The following GARS1 variants were observed in gnomAD, a reference collection of about 807,000 sequenced individuals.
The protein encoded by GARS1 is glycyl-tRNA synthetase 1.
Under a neutral mutation model 86.4 loss-of-function variants are expected in GARS1, and 46 were observed. The observed-to-expected ratio is 0.53, with a 90% CI of 0.42 to 0.68. The LOEUF (loss-of-function observed/expected upper bound fraction) is 0.68. Among genes scored for constraint, GARS1 ranks in the 30% least tolerant of loss-of-function variants. The pLI, the probability that GARS1 is intolerant of heterozygous loss-of-function variation, is 0.00. For missense variants in GARS1, 797 were observed against 915.6 expected, an observed-to-expected ratio of 0.87 and a Z score of 1.67; for synonymous variants, 342 against 329.8, an observed-to-expected ratio of 1.04 and a Z score of -0.40.
In GARS1 at chr7:30,616,014, G is replaced by A. The variant is rs1159916252; in HGVS notation, c.1150G>A (p.Gly384Arg). The change falls in exon 9 of 17, where the codon GGA (glycine) becomes AGA (arginine). Residue 384 changes from glycine to arginine, a missense_variant. Transcript: ENST00000389266. ...GTATTCAGCAAAAGCCCAGGTCAGC[G>A]GACAGTCCGCTCGGAAAATGCGCCT... Reference protein sequence around the residue: ...YLYSAKAQVSGQSARKMRLGD... With the variant: ...YLYSAKAQVSRQSARKMRLGD... 3.7e-6 allele frequency: 6 copies of A among 1,614,056 alleles called. No individual in the cohort carries two copies. The highest frequency in any genetic ancestry group is 1.1e-5 in the South Asian group (1 of 91,074).
Position 30,598,800 on chromosome 7 carries a change from A to G in GARS1, c.227A>G (p.Asp76Gly), listed in dbSNP as rs780858299. The change falls in exon 2 of 17, where the codon GAT becomes GGT. Residue 76 changes from aspartate (D) to glycine (G), a missense_variant. Asp to Gly is a moderately conservative substitution (Grantham distance 94, BLOSUM62 -1). Coordinates refer to ENST00000389266, the MANE Select transcript of GARS1 (RefSeq NM_002047.4). The stretch of plus-strand genomic sequence containing the variant: ...TAAATTCTCTTTCTTGGCTAGGGAG[A>G]TCTTGTGCGAAAACTCAAAGAAGAT... ...PLRLAVRQQG[D>G]LVRKLKEDKA... The G allele has an allele frequency of 2.5e-6, 4 of 1,612,942 alleles. No individual in the cohort carries two copies. The Admixed American group carries it at 6.7e-5, about 27-fold the overall frequency.
At chr7:30,595,221 C>T in intron 1 of GARS1, 78 bp downstream of exon 1, 1 of 1,269,634 alleles carries the variant, frequency 7.9e-7, no homozygotes, top group Non-Finnish European at 1.1e-6. Flanking sequence ...TCCCTCCTCC[C>T]CGGGGAACTG....
At position 30,628,665 on chromosome 7, in the gene GARS1, G is replaced by A. The variant is rs1783176856; in HGVS notation, c.1805G>A (p.Arg602Lys). ...CATGTACGAGAAGGAGATGAACAGA[G>A]AACAGTAAGTTGTTGTGTACAGTGT... The part of the protein sequence containing the change: ...TFHVREGDEQ[R>K]TFFSFPAVVA... The change falls in exon 14 of 17, where the codon AGA (arginine) becomes AAA (lysine). Residue 602 changes from arginine to lysine, a missense_variant. Arg to Lys is a conservative substitution (Grantham distance 26). This residue lies in a region of GARS1 where 598 missense variants were observed against 738.7 expected (regional missense o/e 0.81). Coordinates refer to ENST00000389266, the MANE Select transcript of GARS1 (RefSeq NM_002047.4). 1 of 1,600,476 alleles carries A rather than the reference G, an allele frequency of 6.2e-7. No individual in the cohort carries two copies.
At chr7:30,616,835 A>G (rs1023894184) in intron 9 of GARS1, among the ~76,000 whole-genome samples, 2 of 152,178 alleles carry the variant, frequency 1.3e-5, no homozygotes, top group Admixed American at 6.5e-5. Flanking sequence ...GTAGATTTAG[A>G]GGTATGAGGT....
chr7:30,626,435 T>C, intron 13 of GARS1, 116 bp downstream of exon 13: 1 of 702,514 alleles, frequency 1.4e-6, no homozygotes, highest in Non-Finnish European at 2.6e-6. Flanking sequence ...AACCTCTGCC[T>C]CCCCGGCTCA....
chr7:30,615,781 C>G (rs571636254), intron 8 of GARS1, 115 bp from the exon 9 acceptor site: 1 of 1,190,306 alleles, frequency 8.4e-7, no homozygotes. Flanking sequence ...AAAAAGACCA[C>G]TATAGTATGG....
At chr7:30,595,206 A>G in intron 1 of GARS1, 63 bp downstream of exon 1, 1 of 1,373,890 alleles carries the variant, frequency 7.3e-7, no homozygotes, top group Non-Finnish European at 1.0e-6. Context: ...TCTTCTGGTC[A>G]TCCTTCCCTC....
At chr7:30,600,315 A>G (rs2128132607) in intron 3 of GARS1, among the ~76,000 whole-genome samples, 1 of 151,932 alleles carries the variant, frequency 6.6e-6, no homozygotes, top group East Asian at 1.9e-4. Context: ...GTGTCTGTGT[A>G]CTCATGTACT....
chr7:30,632,128 T>G lies in GARS1; in HGVS notation c.1904-119T>G. On this transcript the variant is annotated intron_variant, in intron 15 of 16. Transcript: ENST00000389266. This position sits in a 1 kb window ranked among gnomAD's most constrained non-coding sequence, Gnocchi z 4.1. Reference sequence around the variant, plus strand: ...TATTTCTTTCTCTTGCAACTCAACTTGTTGCTTTCTTGTCTTGGTCCCATT... The same window carrying G: ...TATTTCTTTCTCTTGCAACTCAACTGGTTGCTTTCTTGTCTTGGTCCCATT... 2.2e-6 allele frequency: 2 copies of G among 928,044 alleles called. No individual in the cohort carries two copies. The highest frequency in any genetic ancestry group is 3.4e-6 in the Non-Finnish European group (2 of 587,190). The allele number at this position is 928,044 out of a possible 1,614,324, so 57.5% of individuals were successfully genotyped here.
At chr7:30,627,917 C>T (rs548879932) in intron 13 of GARS1, among the ~76,000 whole-genome samples, 4 of 152,184 alleles carry the variant, frequency 2.6e-5, no homozygotes, top group East Asian at 3.9e-4. Flanking sequence ...TCTGGGTAGC[C>T]GAGGCAGGTA....
chr7:30,633,633 A>G (rs1783279192), intron 16 of GARS1, 102 bp from the exon 17 acceptor site: 12 of 1,385,290 alleles, frequency 8.7e-6, no homozygotes, highest in Admixed American at 8.4e-5. Context: ...CTGGCATGAC[A>G]TTGTTTGGCT....
In GARS1 at chr7:30,633,890, C is replaced by T. The variant is rs372196853; in HGVS notation, c.*30C>T. The T allele has an allele frequency of 8.3e-6, 12 of 1,442,286 alleles. No homozygotes were observed. Among genetic ancestry groups the T allele is most frequent in the Admixed American group, 2.0e-5 (1 of 49,142 alleles). 89.3% of individuals were successfully genotyped at this position (1,442,286 alleles called of 1,614,324 possible). Reference sequence around the variant, plus strand: ...AATTTTGACAACTTTTGACCACTTGCGCTAATAAAAAAAAAAAAAAACTAC... The same window carrying T: ...AATTTTGACAACTTTTGACCACTTGTGCTAATAAAAAAAAAAAAAAACTAC... On this transcript the variant is annotated 3_prime_UTR_variant, in exon 17 of 17. Coordinates refer to ENST00000389266, the MANE Select transcript of GARS1 (RefSeq NM_002047.4).
At chr7:30,604,132 T>C (rs2529439) in intron 6 of GARS1, among the ~76,000 whole-genome samples, 15,457 of 152,204 alleles carry the variant, frequency 0.1, 879 homozygotes, top group South Asian at 0.2. Flanking sequence ...TCTGACCTTT[T>C]ACCAATTGCA....
chr7:30,613,220 C>T (rs777601795), intron 8 of GARS1, among the ~76,000 whole-genome samples: 14 of 152,126 alleles, frequency 9.2e-5, no homozygotes, highest in East Asian at 3.9e-4. Context: ...CTAGGCCCTA[C>T]AGGTTTACGG....
intron 14 of GARS1, among the ~76,000 whole-genome samples, chr7:30,629,950 A>G (rs1190487094): frequency 2.0e-5 from 3 of 152,254 alleles, no homozygotes; most frequent in African/African-American, 7.2e-5. Context: ...ATCTAACAAT[A>G]TTAATATAAC....
At chr7:30,617,331 C>T in intron 10 of GARS1, 53 bp downstream of exon 10, 2 of 1,581,824 alleles carry the variant, frequency 1.3e-6, no homozygotes, top group Non-Finnish European at 1.7e-6. Context: ...CTTAGAAGCA[C>T]AGGTACCAAA....
At chr7:30,627,808 A>T (rs1002379679) in intron 13 of GARS1, among the ~76,000 whole-genome samples, 2 of 152,240 alleles carry the variant, frequency 1.3e-5, no homozygotes, top group African/African-American at 2.4e-5. Flanking sequence ...ACCATGTAAT[A>T]CTTTTTGCAT....
At position 30,616,012 on chromosome 7, in the gene GARS1, G is replaced by A; in HGVS notation, c.1148G>A (p.Ser383Asn). The change falls in exon 9 of 17, where the codon AGC (serine) becomes AAC (asparagine). Residue 383 changes from serine to asparagine, a missense_variant. Ser to Asn is a conservative substitution (Grantham distance 46). Coordinates refer to ENST00000389266, the MANE Select transcript of GARS1 (RefSeq NM_002047.4). ...TTGTATTCAGCAAAAGCCCAGGTCAGCGGACAGTCCGCTCGGAAAATGCGC... is the reference window on the plus strand; with the variant it reads ...TTGTATTCAGCAAAAGCCCAGGTCAACGGACAGTCCGCTCGGAAAATGCGC... ...LYLYSAKAQV[S>N]GQSARKMRLG... 6.2e-7 allele frequency: 1 copy of A among 1,614,214 alleles called. No individual in the cohort carries two copies. Among genetic ancestry groups the A allele is most frequent in the Non-Finnish European group, 8.5e-7 (1 of 1,180,040 alleles).
At chr7:30,601,269 C>T in intron 4 of GARS1, 69 bp downstream of exon 4, 1 of 1,290,472 alleles carries the variant, frequency 7.7e-7, no homozygotes. Context: ...ATTTAATATA[C>T]TTATCTAAAT....
Sources: gnomAD v4.1 joint callset for allele counts (sites outside exome capture counted in the v4.1 genomes callset) on GRCh38, gnomAD v4.1.1 for gene constraint, gnomAD v4.1.1 regional missense constraint, Gnocchi (gnomAD v3.1) non-coding constraint, MANE v1.5 for transcripts, NCBI Gene and HGNC (gene_info 2026-07-23, HGNC 2026-07-21) for gene names.